PCDHGB1: variants seen among roughly 807,000 people sequenced by gnomAD.
The protein encoded by PCDHGB1 is protocadherin gamma subfamily B, 1, also known as protocadherin gamma-B1.
In PCDHGB1, 34 loss-of-function variants were observed where a neutral mutation model predicts 56.6. The ratio of observed to expected loss-of-function variants is 0.60; its 90% CI spans 0.46 to 0.80. The LOEUF (loss-of-function observed/expected upper bound fraction) is 0.80. Ranked by LOEUF, PCDHGB1 falls within the 30% of genes least tolerant of loss-of-function variation. The probability of loss-of-function intolerance (pLI) is 0.00; values close to 1 mark genes in which losing one functional copy is unlikely to be tolerated. For missense variants in PCDHGB1, 1,278 were observed against 1,204.6 expected, an observed-to-expected ratio of 1.06 and a Z score of -0.90; for synonymous variants, 561 against 505.9, an observed-to-expected ratio of 1.11 and a Z score of -1.46.
rs1243165903 is a variant in PCDHGB1, at chr5:141,352,572, C to T, written c.2312C>T (p.Ala771Val). 1.2e-6 allele frequency: 2 copies of T among 1,613,804 alleles called. No homozygotes were observed. The highest frequency in any genetic ancestry group is 1.3e-5 in the African/African-American group (1 of 74,924). ...TCTCTCAACCTGACACCGGAAATGG[C>T]TCCCCCTCAGGATCTGCTGTGTGAT... ...FNSLNLTPEM[A>V]PPQDLLCDDP... is the part of the protein sequence containing the mutation. The change falls in exon 1 of 4, where the codon GCT becomes GTT. Residue 771 changes from alanine (A) to valine (V), a missense_variant. By Grantham distance (64) the Ala-to-Val change is moderately conservative (BLOSUM62 0). Coordinates refer to ENST00000523390, the MANE Select transcript of PCDHGB1 (RefSeq NM_018922.3).
rs994726301 is a variant in PCDHGB1, at chr5:141,476,632, T to C, written c.2410-18175T>C. ...TGGGAAGCAACTCTTTACAAACCTA[T>C]GAGCTGAGCCGAAATGAATACTTTG... On this transcript the variant is annotated intron_variant, in intron 1 of 3. Transcript: ENST00000523390. The surrounding 1 kb of genome is among the most constrained non-coding windows in gnomAD (Gnocchi z 7.6). The C allele has an allele frequency of 8.7e-6, 14 of 1,614,098 alleles. No homozygotes were observed. Among genetic ancestry groups the C allele is most frequent in the Admixed American group, 1.7e-5 (1 of 60,016 alleles).
At chr5:141,382,597 A>G (rs1231482807) in intron 1 of PCDHGB1, 7 of 256,092 alleles carry the variant, frequency 2.7e-5, no homozygotes, top group African/African-American at 6.6e-5. Context: ...AGATGAAACA[A>G]TTTTCTATGA....
At chr5:141,401,213 G>T (rs1259778152) in intron 1 of PCDHGB1, among the ~76,000 whole-genome samples, 2 of 152,014 alleles carry the variant, frequency 1.3e-5, no homozygotes, top group African/African-American at 4.8e-5. Flanking sequence ...GTGGTGGCGG[G>T]CGCCTGTAAT....
At chr5:141,424,960 C>T (rs1291822416) in intron 1 of PCDHGB1, among the ~76,000 whole-genome samples, 1 of 152,102 alleles carries the variant, frequency 6.6e-6, no homozygotes, top group African/African-American at 2.4e-5. Context: ...AGGTATTTGC[C>T]CCAAATTACT....
At chr5:141,387,510 C>A (rs972550298) in intron 1 of PCDHGB1, among the ~76,000 whole-genome samples, 1 of 152,206 alleles carries the variant, frequency 6.6e-6, no homozygotes, top group Non-Finnish European at 1.5e-5. Context: ...TTTTAGACGT[C>A]ATTAAATATA....
chr5:141,379,424 G>C (rs1775590923), intron 1 of PCDHGB1: 1 of 152,218 alleles, frequency 6.6e-6, no homozygotes, highest in Non-Finnish European at 1.5e-5. Context: ...TCATGAGTTA[G>C]ATGGGCTGTT....
intron 1 of PCDHGB1, chr5:141,418,614 G>C: frequency 1.2e-6 from 2 of 1,613,994 alleles, no homozygotes; most frequent in Non-Finnish European, 1.7e-6. Flanking sequence ...GTTAGCCTTC[G>C]GGAAGACGTG....
chr5:141,403,592 G>A (rs779516418), intron 1 of PCDHGB1: 1 of 1,613,850 alleles, frequency 6.2e-7, no homozygotes, highest in Non-Finnish European at 8.5e-7. Flanking sequence ...GGTCCTCACG[G>A]CCTCGGATGG....
intron 2 of PCDHGB1, among the ~76,000 whole-genome samples, chr5:141,500,184 T>TTTTATTTATTTATTTA (rs58019021): frequency 1.5e-5 from 2 of 135,886 alleles, no homozygotes; most frequent in African/African-American, 5.4e-5. Flanking sequence ...TCATTTTTAT[T>TTTTATTTATTTATTTA]TTTATTTATT....
At position 141,434,771 on chromosome 5, in the gene PCDHGB1, TA is replaced by T. The variant is rs36031641; in HGVS notation, c.2410-60023del. On this transcript the variant is annotated intron_variant, in intron 1 of 3. Transcript: ENST00000523390. ...CCCCTGATTCCCCACTTCACACTTC[TA>T]AAAAAAAAAAAATTTTTTTTTCTGA... 2.5e-3 allele frequency among the ~76,000 whole-genome samples: 362 copies of T among 145,286 alleles called. 1 individual carries two copies. The highest frequency in any genetic ancestry group is 0.011 in the Middle Eastern group (3 of 280).
rs373882091 is a variant in PCDHGB1 at position 141,432,369 on chromosome 5, A to T, written c.2410-62438A>T. 1.2e-6 allele frequency: 2 copies of T among 1,614,104 alleles called. No homozygotes were observed. Among genetic ancestry groups the T allele is most frequent in the African/African-American group, 2.7e-5 (2 of 74,938 alleles). On this transcript the variant is annotated intron_variant, in intron 1 of 3. Transcript: ENST00000523390. The surrounding 1 kb of genome is among the most constrained non-coding windows in gnomAD (Gnocchi z 6.0). Reference sequence around the variant, plus strand: ...CAAGTGAAAGTGATGGCGCGGGACAACGGGCACCCGCCCCTCAGCAGCAAC... The same window carrying T: ...CAAGTGAAAGTGATGGCGCGGGACATCGGGCACCCGCCCCTCAGCAGCAAC...
chr5:141,388,712 G>A, intron 1 of PCDHGB1: 1 of 1,613,986 alleles, frequency 6.2e-7, no homozygotes. Flanking sequence ...TCAATGCCGA[G>A]ATTACTTTCT....
At chr5:141,413,090 C>A in intron 1 of PCDHGB1, 2 of 1,391,312 alleles carry the variant, frequency 1.4e-6, no homozygotes, top group Non-Finnish European at 1.9e-6. Flanking sequence ...ACAGAGACAC[C>A]CTGAAGCCAC....
At chr5:141,385,005 C>T in intron 1 of PCDHGB1, 1 of 1,614,138 alleles carries the variant, frequency 6.2e-7, no homozygotes, top group Non-Finnish European at 8.5e-7. Flanking sequence ...CAGTCTCCTG[C>T]GTCTTCCTAG....
At chr5:141,366,806 T>G in intron 1 of PCDHGB1, 2 of 1,560,888 alleles carry the variant, frequency 1.3e-6, no homozygotes, top group Non-Finnish European at 1.7e-6. Context: ...GTTTCCTTTT[T>G]CATGTTTCTG....
chr5:141,485,625 G>A lies in PCDHGB1; in HGVS notation c.2410-9182G>A, dbSNP rs1458191111. On this transcript the variant is annotated intron_variant, in intron 1 of 3. Coordinates refer to ENST00000523390, the MANE Select transcript of PCDHGB1 (RefSeq NM_018922.3). This position sits in a 1 kb window ranked among gnomAD's most constrained non-coding sequence, Gnocchi z 5.7. ...GGGGAGGCAGCTCCTCCAGGACAGC[G>A]TTTCCCGTTGGAAAAGGCTCAGGAT... is the stretch of plus-strand genomic sequence containing the variant. The A allele has an allele frequency of 1.2e-6, 2 of 1,611,968 alleles. No homozygotes were observed. The highest frequency in any genetic ancestry group is 3.3e-5 in the Admixed American group (2 of 59,916).
intron 2 of PCDHGB1, among the ~76,000 whole-genome samples, chr5:141,500,428 C>G (rs1224554560): frequency 6.6e-6 from 1 of 151,836 alleles, no homozygotes; most frequent in African/African-American, 2.4e-5. Context: ...CCAGGATGGT[C>G]TCGATCTCCT....
intron 1 of PCDHGB1, chr5:141,391,956 A>G (rs1440560320): frequency 6.6e-6 from 1 of 152,246 alleles, no homozygotes; most frequent in Non-Finnish European, 1.5e-5. Flanking sequence ...AAAAATATAA[A>G]CAATGTAAAT....
intron 1 of PCDHGB1, among the ~76,000 whole-genome samples, chr5:141,456,882 G>A (rs1039329600): frequency 6.6e-6 from 1 of 152,156 alleles, no homozygotes; most frequent in Non-Finnish European, 1.5e-5. Context: ...AGAATCGCTT[G>A]AACCCGGGAG....
Sources: allele counts gnomAD v4.1 joint callset (sites outside exome capture counted in the v4.1 genomes callset), GRCh38; gene constraint gnomAD v4.1.1; non-coding constraint Gnocchi (gnomAD v3.1); transcripts MANE v1.5; gene names NCBI Gene and HGNC (gene_info 2026-07-23, HGNC 2026-07-21).